The following ZNF490 variants were observed in gnomAD, a reference collection of about 807,000 sequenced individuals.
ZNF490 encodes the protein zinc finger protein 490.
Under a neutral mutation model 17.7 loss-of-function variants are expected in ZNF490, and 11 were observed. That is an observed-to-expected ratio of 0.62 (90% CI 0.39 to 1.03). ZNF490 has a LOEUF of 1.03. ZNF490 is among the 50% of genes least tolerant of loss of function. The pLI is 0.00. For missense variants in ZNF490, 542 were observed against 643.4 expected (o/e 0.84, Z 1.71); for synonymous variants, 222 against 216.1 (o/e 1.03, Z -0.24).
intron 2 of ZNF490, among the ~76,000 whole-genome samples, chr19:12,586,353 T>C (rs1212734401): frequency 1.1e-5 from 1 of 93,784 alleles, no homozygotes; most frequent in East Asian, 2.0e-4. Context: ...TGAAACAATA[T>C]TCTATTTCTT....
chr19:12,609,228 T>C, intron 1 of ZNF490, 26 bp from the exon 2 acceptor site: 1 of 1,612,644 alleles, frequency 6.2e-7, no homozygotes, highest in Non-Finnish European at 8.5e-7. Flanking sequence ...AGGATGCATT[T>C]TGTGAGTTTC....
intron 2 of ZNF490, among the ~76,000 whole-genome samples, chr19:12,583,781 CTCTCTCTCTCTA>C (rs1332636456): frequency 5.8e-4 from 54 of 93,846 alleles, no homozygotes; most frequent in African/African-American, 1.9e-3. Context: ...CTCTCTCTCT[CTCTCTCTCTCTA>C]TATATATATA....
At chr19:12,604,166 T>A (rs1410685462) in intron 2 of ZNF490, among the ~76,000 whole-genome samples, 5 of 152,166 alleles carry the variant, frequency 3.3e-5, no homozygotes, top group Non-Finnish European at 5.9e-5. Context: ...AATAAGAACA[T>A]AACCATATGC....
chr19:12,607,571 A>G (rs2023084045), intron 2 of ZNF490, among the ~76,000 whole-genome samples: 1 of 152,024 alleles, frequency 6.6e-6, no homozygotes, highest in African/African-American at 2.4e-5. Flanking sequence ...ATTAAAGTCC[A>G]AATGTGTGCC....
rs1423509299 is a variant in ZNF490, at chr19:12,584,220, G to A, written c.163-664C>T. Among the ~76,000 whole-genome samples the A allele has an allele frequency of 4.5e-5, 4 of 89,386 alleles. 1 individual carries two copies. Among genetic ancestry groups the A allele is most frequent in the South Asian group, 3.0e-4 (1 of 3,362 alleles). The allele number at this position is 89,386 out of a possible 152,430, so 58.6% of individuals were successfully genotyped here. A position where few individuals can be genotyped will look rare whatever the true frequency, so the allele number is the denominator to read the frequency against. On this transcript the variant is annotated intron_variant, in intron 2 of 4. Coordinates refer to ENST00000311437, the MANE Select transcript of ZNF490 (RefSeq NM_020714.3). ...TGCTCAGGCTGGAGTGCAATGGTGC[G>A]ATCTTGGCTCACTGCAACCTCCTCC...
At position 12,610,737 on chromosome 19, in the gene ZNF490, C is replaced by T. The variant is rs2145173476; in HGVS notation, c.-57G>A. 1.9e-6 allele frequency: 3 copies of T among 1,547,946 alleles called. No homozygotes were observed. Among genetic ancestry groups the T allele is most frequent in the African/African-American group, 1.4e-5 (1 of 73,868 alleles). ...AGACTTCCGTGTCCGACCCGAGATCCGGAACAATTTCTGCTTCAACACAAT... is the reference window on the plus strand; with the variant it reads ...AGACTTCCGTGTCCGACCCGAGATCTGGAACAATTTCTGCTTCAACACAAT... On this transcript the variant is annotated 5_prime_UTR_variant, in exon 1 of 5. Transcript: ENST00000311437.
Position 12,577,886 on chromosome 19 carries a change from G to C in ZNF490, c.*2599C>G. ...ACACACTGACTTGCTAAGAAAAGGGGGGACTGACTCCAACAAAGGACAGAC... is the reference window on the plus strand; with the variant it reads ...ACACACTGACTTGCTAAGAAAAGGGCGGACTGACTCCAACAAAGGACAGAC... On this transcript the variant is annotated 3_prime_UTR_variant, in exon 5 of 5. Coordinates refer to ENST00000311437, the MANE Select transcript of ZNF490 (RefSeq NM_020714.3). 1.0e-6 allele frequency: 1 copy of C among 985,428 alleles called. No individual in the cohort carries two copies. The highest frequency in any genetic ancestry group is 1.2e-6 in the Non-Finnish European group (1 of 829,966). 61.0% of individuals were successfully genotyped at this position (985,428 alleles called of 1,614,324 possible).
chr19:12,606,464 C>A (rs542076975), intron 2 of ZNF490, among the ~76,000 whole-genome samples: 17 of 151,548 alleles, frequency 1.1e-4, no homozygotes, highest in Non-Finnish European at 2.5e-4. Flanking sequence ...TCTGCCTCAG[C>A]CTGCTGAGTA....
rs76668661 is a variant in ZNF490 at position 12,580,833 on chromosome 19, G to T, written c.1242C>A (p.Gly414=). The T allele has an allele frequency of 6.2e-7, 1 of 1,613,920 alleles. No homozygotes were observed. Among genetic ancestry groups the T allele is most frequent in the Non-Finnish European group, 8.5e-7 (1 of 1,179,984 alleles). ...ATTCTTTACATTCGTAAGTTTTCTC[G>T]CCAGTGTGAACTCTTTCGTGCAACT... ...YLQLHERVHT[G]EKTYECKECG... The change falls in exon 5 of 5, where the codon GGC becomes GGA. Residue 414 remains glycine (G), a synonymous_variant. Coordinates refer to ENST00000311437, the MANE Select transcript of ZNF490 (RefSeq NM_020714.3).
rs1033243671 is a variant in ZNF490 at position 12,600,988 on chromosome 19, G to A, written c.162+8170C>T. On this transcript the variant is annotated intron_variant, in intron 2 of 4. Coordinates refer to ENST00000311437, the MANE Select transcript of ZNF490 (RefSeq NM_020714.3). ...GCCTGTAGCCCCAGCTACTTGGGAG[G>A]CTGAGGTGGGAGGATCCTTTGAGCC... 9.2e-5 allele frequency among the ~76,000 whole-genome samples: 14 copies of A among 151,996 alleles called. No homozygotes were observed. The East Asian group carries it at 2.1e-3, about 23-fold the overall frequency.
At chr19:12,592,749 A>G (rs1247017620) in intron 2 of ZNF490, among the ~76,000 whole-genome samples, 1 of 152,248 alleles carries the variant, frequency 6.6e-6, no homozygotes, top group Non-Finnish European at 1.5e-5. Context: ...CACTTATAAC[A>G]GATGTATTAA....
At chr19:12,593,777 C>T (rs2022899588) in intron 2 of ZNF490, among the ~76,000 whole-genome samples, 1 of 152,176 alleles carries the variant, frequency 6.6e-6, no homozygotes, top group Non-Finnish European at 1.5e-5. Flanking sequence ...TCTACACACT[C>T]GCCACTGCTG....
In ZNF490 at chr19:12,581,417, T is replaced by C; in HGVS notation, c.658A>G (p.Lys220Glu). 6.2e-7 allele frequency: 1 copy of C among 1,614,256 alleles called. No homozygotes were observed. Among genetic ancestry groups the C allele is most frequent in the Non-Finnish European group, 8.5e-7 (1 of 1,180,040 alleles). Reference sequence around the variant, plus strand: ...CCACATTCCTTACATTCATAGGGTTTCTCTCCAGTGTGAATTCTTTCATGG... The same window carrying C: ...CCACATTCCTTACATTCATAGGGTTCCTCTCCAGTGTGAATTCTTTCATGG... ...RTHERIHTGE[K>E]PYECKECGKA... The change falls in exon 5 of 5, where the codon AAA becomes GAA. Residue 220 changes from lysine to glutamate, a missense_variant. Coordinates refer to ENST00000311437, the MANE Select transcript of ZNF490 (RefSeq NM_020714.3).
At chr19:12,593,011 A>C (rs769108332) in intron 2 of ZNF490, among the ~76,000 whole-genome samples, 1 of 152,220 alleles carries the variant, frequency 6.6e-6, no homozygotes, top group Non-Finnish European at 1.5e-5. Context: ...CGTGAGCCAG[A>C]GACTGGTAAA....
chr19:12,594,271 GC>G (rs2022906292), intron 2 of ZNF490, among the ~76,000 whole-genome samples: 1 of 152,070 alleles, frequency 6.6e-6, no homozygotes, highest in African/African-American at 2.4e-5. Context: ...TTTGAGACCA[GC>G]CTGGCCAATA....
intron 2 of ZNF490, among the ~76,000 whole-genome samples, chr19:12,584,581 T>C (rs2022793304): frequency 1.0e-5 from 1 of 95,268 alleles, no homozygotes; most frequent in African/African-American, 3.1e-5. Flanking sequence ...TTCTACCTTA[T>C]TACATACTGT....
chr19:12,598,362 G>T (rs921722537), intron 2 of ZNF490, among the ~76,000 whole-genome samples: 1 of 151,912 alleles, frequency 6.6e-6, no homozygotes, highest in Non-Finnish European at 1.5e-5. Context: ...ACATGATCTA[G>T]CCTCATAATA....
In ZNF490 at chr19:12,580,526, A is replaced by G. The variant is rs2022715381; in HGVS notation, c.1549T>C (p.Leu517=). ...CTATGAGTCCTTTCGTGCACGTGCAAAGACTTTGAGTAACTGAAGGCTTTA... is the reference window on the plus strand; with the variant it reads ...CTATGAGTCCTTTCGTGCACGTGCAGAGACTTTGAGTAACTGAAGGCTTTA... ...CGKAFSYSKS[L]HVHERTHSRQ... is the part of the protein sequence containing the mutation. The change falls in exon 5 of 5, where the codon TTG becomes CTG. Residue 517 remains leucine (L), a synonymous_variant. Coordinates refer to ENST00000311437, the MANE Select transcript of ZNF490 (RefSeq NM_020714.3). 6.2e-7 allele frequency: 1 copy of G among 1,611,646 alleles called. No individual in the cohort carries two copies. Among genetic ancestry groups the G allele is most frequent in the African/African-American group, 1.3e-5 (1 of 74,944 alleles).
At position 12,578,958 on chromosome 19, in the gene ZNF490, T is replaced by C. The variant is rs2022681327; in HGVS notation, c.*1527A>G. 2.0e-6 allele frequency: 2 copies of C among 985,356 alleles called. No homozygotes were observed. Among genetic ancestry groups the C allele is most frequent in the Non-Finnish European group, 2.4e-6 (2 of 830,006 alleles). 61.0% of individuals were successfully genotyped at this position (985,356 alleles called of 1,614,324 possible). A position where few individuals can be genotyped will look rare whatever the true frequency, so the allele number is the denominator to read the frequency against. On this transcript the variant is annotated 3_prime_UTR_variant, in exon 5 of 5. Transcript: ENST00000311437. ...TCCAGTGTGGGTGGTTTCATGGTTT[T>C]AAAATGAACTGGAGGCCGGGCGCGG...
Sources: allele counts gnomAD v4.1 joint callset (sites outside exome capture counted in the v4.1 genomes callset), GRCh38; gene constraint gnomAD v4.1.1; transcripts MANE v1.5; gene names NCBI Gene and HGNC (gene_info 2026-07-23, HGNC 2026-07-21).